CEP192: variants seen among roughly 807,000 people sequenced by gnomAD.
CEP192 encodes the protein centrosomal protein 192.
CEP192 carries 151 observed loss-of-function variants against 271.8 expected under a neutral mutation model. The observed-to-expected ratio is 0.56, with a 90% CI of 0.49 to 0.64. CEP192 has a LOEUF of 0.64. CEP192 is among the 30% of genes least tolerant of loss of function. The pLI is 0.00. For missense variants in CEP192, 2,910 were observed against 3,020.5 expected (o/e 0.96, Z 0.86); for synonymous variants, 995 against 1,076.5 (o/e 0.92, Z 1.48).
At chr18:13,108,443 TAAAAC>T (rs1044835829) in intron 40 of CEP192, among the ~76,000 whole-genome samples, 2 of 151,980 alleles carry the variant, frequency 1.3e-5, no homozygotes, top group African/African-American at 2.4e-5. Flanking sequence ...ATAAGGAACT[TAAAAC>T]AATTGAACAA....
chr18:13,048,586 A>G lies in CEP192; in HGVS notation c.2068-273A>G, dbSNP rs1342904854. ...TTTATGTGTAATTACAAAGAAGGAC[A>G]GAGAAATTCATGCTTTGCACTCCAA... On this transcript the variant is annotated intron_variant, in intron 15 of 44. Coordinates refer to ENST00000506447, the MANE Select transcript of CEP192 (RefSeq NM_032142.4). 2.6e-5 allele frequency among the ~76,000 whole-genome samples: 4 copies of G among 152,374 alleles called. 1 individual carries two copies. In the South Asian group the frequency reaches 6.2e-4, roughly 24 times the overall value.
intron 4 of CEP192, among the ~76,000 whole-genome samples, chr18:13,012,211 G>A (rs955389749): frequency 3.1e-4 from 47 of 152,304 alleles, no homozygotes; most frequent in African/African-American, 1.1e-3. Context: ...AATGAAAATA[G>A]TGGTGATGGC....
intron 17 of CEP192, among the ~76,000 whole-genome samples, chr18:13,051,718 T>C (rs1358199688): frequency 6.6e-6 from 1 of 152,134 alleles, no homozygotes; most frequent in African/African-American, 2.4e-5. Context: ...TAATTTTTTG[T>C]ATTTTTAGTA....
intron 40 of CEP192, among the ~76,000 whole-genome samples, chr18:13,106,679 CCACCACTCCCACTTA>C (rs1022520967): frequency 6.6e-6 from 1 of 151,746 alleles, no homozygotes; most frequent in Non-Finnish European, 1.5e-5. Context: ...ACCACCACCG[CCACCACTCCCACTTA>C]CAACTACGGT....
At chr18:13,092,188 C>T (rs1273269724) in intron 33 of CEP192, among the ~76,000 whole-genome samples, 189 bp from the exon 34 acceptor site, 2 of 152,150 alleles carry the variant, frequency 1.3e-5, no homozygotes, top group African/African-American at 4.8e-5. Context: ...GGTTCCAAGT[C>T]TGAGCTGTCA....
chr18:13,067,302 G>A (rs1349691171), intron 21 of CEP192, among the ~76,000 whole-genome samples: 1 of 152,078 alleles, frequency 6.6e-6, no homozygotes, highest in Admixed American at 6.5e-5. Context: ...TATCCGGTGG[G>A]GGTTCCTGTA....
In CEP192 at chr18:13,103,543, AG is replaced by A. The variant is rs1266744120; in HGVS notation, c.6907del (p.Asp2303ThrfsTer2). On this transcript the variant is annotated frameshift_variant, in exon 39 of 45. Coordinates refer to ENST00000506447, the MANE Select transcript of CEP192 (RefSeq NM_032142.4). LOFTEE classifies it high-confidence loss of function. ...CLELENHGTT[D>X]VKWHLSSLAP... ...TAGAACTCGAGAATCATGGCACCAC[AG>A]ACGTGAAATGGCATCTGTCATCTTT... The A allele has an allele frequency of 6.2e-7, 1 of 1,614,084 alleles. No individual in the cohort carries two copies.
chr18:13,017,236 A>G lies in CEP192; in HGVS notation c.689A>G (p.Tyr230Cys). 3 of 1,549,848 alleles carry G rather than the reference A, an allele frequency of 1.9e-6. No homozygotes were observed. The highest frequency in any genetic ancestry group is 2.6e-6 in the Non-Finnish European group (3 of 1,146,082). The change falls in exon 7 of 45, where the codon TAT becomes TGT. Residue 230 changes from tyrosine to cysteine, a missense_variant. By Grantham distance (194) the Tyr-to-Cys change is radical (BLOSUM62 -2). Coordinates refer to ENST00000506447, the MANE Select transcript of CEP192 (RefSeq NM_032142.4). The stretch of plus-strand genomic sequence containing the variant: ...TTTTATGATGATCATTTGGAGGCTT[A>G]TTTTGAACAACTGGCAATTCCAGGA... Reference protein sequence around the residue: ...EMFYDDHLEAYFEQLAIPGMI... With the variant: ...EMFYDDHLEACFEQLAIPGMI...
At chr18:13,044,275 T>A (rs542023506) in intron 15 of CEP192, among the ~76,000 whole-genome samples, 2 of 152,318 alleles carry the variant, frequency 1.3e-5, no homozygotes, top group East Asian at 3.9e-4. Context: ...TCTTCATTTT[T>A]AATTTTTATA....
intron 26 of CEP192, 86 bp downstream of exon 26, chr18:13,069,267 C>A: frequency 1.7e-6 from 2 of 1,148,024 alleles, no homozygotes; most frequent in Non-Finnish European, 2.6e-6. Flanking sequence ...TGTGCTCTTC[C>A]TGGCCCAACA....
At position 13,084,863 on chromosome 18, in the gene CEP192, G is replaced by T. The variant is rs544478775; in HGVS notation, c.5617-2154G>T. On this transcript the variant is annotated intron_variant, in intron 30 of 44. Transcript: ENST00000506447. ...GAGTCTTCCTCTGTTGCCCAGGCTG[G>T]AGTGCAGTGGTACAATCTCGGCTCA... Among the ~76,000 whole-genome samples, 5 of 151,804 alleles carry T rather than the reference G, an allele frequency of 3.3e-5. No homozygotes were observed. The South Asian group carries it at 6.3e-4, about 19-fold the overall frequency.
intron 30 of CEP192, among the ~76,000 whole-genome samples, chr18:13,076,636 T>C (rs541370023): frequency 6.6e-6 from 1 of 152,366 alleles, no homozygotes; most frequent in Non-Finnish European, 1.5e-5. Context: ...TGTTTTTTGC[T>C]ATTTAGTTTC....
intron 8 of CEP192, 60 bp from the exon 9 acceptor site, chr18:13,019,022 A>T: frequency 7.1e-7 from 1 of 1,408,274 alleles, no homozygotes; most frequent in Non-Finnish European, 9.5e-7. Context: ...AGAATCAGTT[A>T]TTATGTTAGA....
At chr18:12,993,055 G>T (rs1160392617) in intron 1 of CEP192, among the ~76,000 whole-genome samples, 1 of 152,186 alleles carries the variant, frequency 6.6e-6, no homozygotes, top group Non-Finnish European at 1.5e-5. Context: ...TGGGAGACTC[G>T]TGTGATAGTT....
rs374450405 is a variant in CEP192, at chr18:13,060,638, ATT to A, written c.4488+1328_4488+1329del. Among the ~76,000 whole-genome samples the A allele has an allele frequency of 3.8e-3, 580 of 152,272 alleles. 5 individuals are homozygous for A. Among genetic ancestry groups the A allele is most frequent in the African/African-American group, 0.013 (554 of 41,544 alleles). On this transcript the variant is annotated intron_variant, in intron 21 of 44. Transcript: ENST00000506447. ...TGTGACTTTAATTAAAAATTAGTTG[ATT>A]TCACCTGGGCACTGGCACACACCTG...
Position 13,071,095 on chromosome 18 carries a change from G to A in CEP192, c.5231G>A (p.Gly1744Asp), listed in dbSNP as rs2037987060. 6.2e-7 allele frequency: 1 copy of A among 1,613,850 alleles called. No homozygotes were observed. Among genetic ancestry groups the A allele is most frequent in the Non-Finnish European group, 8.5e-7 (1 of 1,179,852 alleles). The change falls in exon 28 of 45, where the codon GGC (glycine) becomes GAC (aspartate). Residue 1744 changes from glycine (G) to aspartate (D), a missense_variant. Coordinates refer to ENST00000506447, the MANE Select transcript of CEP192 (RefSeq NM_032142.4). ...FGPQYEVVLK[G>D]EVISSGSKPL... ...CCTCAGTATGAGGTAGTGTTAAAAG[G>A]CGAAGTCATTTCTTCAGGAAGTAAA...
intron 15 of CEP192, among the ~76,000 whole-genome samples, chr18:13,043,743 C>T (rs531618731): frequency 2.2e-4 from 34 of 152,196 alleles, no homozygotes; most frequent in Admixed American, 1.2e-3. Context: ...TCTTCTAATC[C>T]GTGAAACTAA....
rs566496249 is a variant in CEP192, at chr18:13,049,103, A to T, written c.2312A>T (p.Glu771Val). 2.7e-5 allele frequency: 43 copies of T among 1,614,004 alleles called. No individual in the cohort carries two copies. Among genetic ancestry groups the T allele is most frequent in the Non-Finnish European group, 3.6e-5 (43 of 1,179,984 alleles). Residue 771 changes from glutamate to valine, a missense_variant, in exon 16 of 45, where the codon GAA (glutamate) becomes GTA (valine). Coordinates refer to ENST00000506447, the MANE Select transcript of CEP192 (RefSeq NM_032142.4). ...CGTCATTTCTTACCTAATGATTTAG[A>T]AAAAAGTAATGGATCCAATGCACTT... Reference protein sequence around the residue: ...HVRHFLPNDLEKSNGSNALDM... With the variant: ...HVRHFLPNDLVKSNGSNALDM...
chr18:13,068,485 G>A lies in CEP192; in HGVS notation c.4822+63G>A, dbSNP rs188037735. On this transcript the variant is annotated intron_variant, in intron 24 of 44. Transcript: ENST00000506447. Reference sequence around the variant, plus strand: ...GTAGCTAGATAAACTACAAATTTGAGATGTATTTCCTTTGTCAATAAATGT... The same window carrying A: ...GTAGCTAGATAAACTACAAATTTGAAATGTATTTCCTTTGTCAATAAATGT... 38 of 1,268,294 alleles carry A rather than the reference G, an allele frequency of 3.0e-5. No individual in the cohort carries two copies. In the Admixed American group the frequency reaches 5.4e-4, roughly 18 times the overall value. 78.6% of individuals were successfully genotyped at this position (1,268,294 alleles called of 1,614,324 possible). A position where few individuals can be genotyped will look rare whatever the true frequency, so the allele number is the denominator to read the frequency against.
Sources: allele counts gnomAD v4.1 joint callset (sites outside exome capture counted in the v4.1 genomes callset), GRCh38; gene constraint gnomAD v4.1.1; transcripts MANE v1.5; gene names NCBI Gene and HGNC (gene_info 2026-07-23, HGNC 2026-07-21).